Variants in NPAS3 observed in about 807,000 individuals in gnomAD.
The protein encoded by NPAS3 is neuronal PAS domain-containing protein 3.
NPAS3 carries 14 observed loss-of-function variants against 73.1 expected under a neutral mutation model. The ratio of observed to expected loss-of-function variants is 0.19; its 90% CI spans 0.13 to 0.30. The LOEUF is 0.30. Ranked by LOEUF, NPAS3 falls within the 10% of genes least tolerant of loss-of-function variation. The probability of loss-of-function intolerance (pLI) is 1.00; values close to 1 mark genes in which losing one functional copy is unlikely to be tolerated. For missense variants in NPAS3, 1,096 were observed against 1,250.0 expected, an observed-to-expected ratio of 0.88 and a Z score of 1.86; for synonymous variants, 620 against 541.5, an observed-to-expected ratio of 1.14 and a Z score of -2.01.
intron 9 of NPAS3, among the ~76,000 whole-genome samples, chr14:33,792,830 A>G (rs1338418190): frequency 6.6e-6 from 1 of 152,226 alleles, no homozygotes; most frequent in Non-Finnish European, 1.5e-5. Flanking sequence ...GGACATGCCA[A>G]AAGTGGGCGA....
At chr14:33,094,756 G>A (rs1330561503) in intron 2 of NPAS3, among the ~76,000 whole-genome samples, 2 of 152,090 alleles carry the variant, frequency 1.3e-5, no homozygotes, top group African/African-American at 4.8e-5. Flanking sequence ...GTGAGCCACC[G>A]CGCCAGGCTG....
intron 6 of NPAS3, among the ~76,000 whole-genome samples, chr14:33,725,080 AT>A (rs1241086329): frequency 6.6e-6 from 1 of 152,130 alleles, no homozygotes; most frequent in Non-Finnish European, 1.5e-5. Flanking sequence ...AAAAAAACTG[AT>A]TTGCAGCCAA....
chr14:33,159,523 A>G (rs1391964177), intron 2 of NPAS3, among the ~76,000 whole-genome samples: 1 of 150,846 alleles, frequency 6.6e-6, no homozygotes, highest in African/African-American at 2.4e-5. Context: ...TGTGTGCAGA[A>G]TAGCTAATTA....
At chr14:33,013,149 A>G (rs1377086257) in intron 1 of NPAS3, among the ~76,000 whole-genome samples, 1 of 152,196 alleles carries the variant, frequency 6.6e-6, no homozygotes, top group Non-Finnish European at 1.5e-5. Context: ...GTTTCTCCAT[A>G]CCCAAAGAAT....
chr14:33,171,559 G>T (rs1192320101), intron 2 of NPAS3, among the ~76,000 whole-genome samples: 2 of 152,188 alleles, frequency 1.3e-5, no homozygotes, highest in Non-Finnish European at 2.9e-5. Flanking sequence ...ACCTCTGTCA[G>T]CCTTCATAGA....
At chr14:33,034,858 C>G (rs1364113750) in intron 1 of NPAS3, among the ~76,000 whole-genome samples, 1 of 152,098 alleles carries the variant, frequency 6.6e-6, no homozygotes, top group African/African-American at 2.4e-5. Flanking sequence ...TGATAGCCCA[C>G]CTTGGGACAC....
At chr14:33,084,164 G>C (rs1226948811) in intron 2 of NPAS3, among the ~76,000 whole-genome samples, 1 of 152,192 alleles carries the variant, frequency 6.6e-6, no homozygotes, top group Non-Finnish European at 1.5e-5. Context: ...TATAACACCT[G>C]TATTGAATTG....
intron 4 of NPAS3, among the ~76,000 whole-genome samples, chr14:33,544,516 C>T (rs2054689385): frequency 1.3e-5 from 2 of 151,600 alleles, no homozygotes; most frequent in South Asian, 2.1e-4. Context: ...AGAGAGAGCG[C>T]TCTCACTATG....
chr14:33,109,724 G>A (rs770723590), intron 2 of NPAS3, among the ~76,000 whole-genome samples: 14 of 150,708 alleles, frequency 9.3e-5, no homozygotes, highest in Admixed American at 2.7e-4. Flanking sequence ...ATGGACTTTA[G>A]CATTGTTTAG....
chr14:33,596,064 A>G (rs2057234792), intron 5 of NPAS3, among the ~76,000 whole-genome samples: 1 of 152,208 alleles, frequency 6.6e-6, no homozygotes, highest in South Asian at 2.1e-4. Flanking sequence ...TTCCTTCCCA[A>G]AGAGCTTACT....
intron 4 of NPAS3, among the ~76,000 whole-genome samples, chr14:33,369,703 G>A (rs17491067): frequency 0.22 from 33,353 of 152,022 alleles, 4,159 homozygotes; most frequent in Non-Finnish European, 0.3. Context: ...TAATGGTTAT[G>A]GAGTGGAAGA....
At chr14:33,396,357 G>C (rs1167936887) in intron 4 of NPAS3, among the ~76,000 whole-genome samples, 1 of 152,068 alleles carries the variant, frequency 6.6e-6, no homozygotes, top group Non-Finnish European at 1.5e-5. Context: ...CAGTGCTGAG[G>C]ATTAAACGTG....
intron 1 of NPAS3, among the ~76,000 whole-genome samples, chr14:33,045,216 C>G (rs886446690): frequency 2.6e-5 from 4 of 152,116 alleles, no homozygotes; most frequent in African/African-American, 7.2e-5. Context: ...CATCAGTAGA[C>G]AGAGGCCAGA....
intron 1 of NPAS3, among the ~76,000 whole-genome samples, chr14:33,014,159 GA>G (rs2039311715): frequency 6.6e-6 from 1 of 151,914 alleles, no homozygotes; most frequent in Admixed American, 6.6e-5. Context: ...AATAGGCAAA[GA>G]AAAAAATGTT....
intron 6 of NPAS3, among the ~76,000 whole-genome samples, chr14:33,731,759 A>G (rs547128427): frequency 2.6e-5 from 4 of 152,350 alleles, no homozygotes; most frequent in African/African-American, 9.6e-5. Context: ...ATTTTCCTGT[A>G]AATTTTACAA....
chr14:33,676,143 G>A, intron 5 of NPAS3, 68 bp from the exon 6 acceptor site: 1 of 1,484,050 alleles, frequency 6.7e-7, no homozygotes, highest in South Asian at 1.2e-5. Context: ...CTGAATCACT[G>A]TGTTGAATTT....
chr14:33,736,645 CTTG>C (rs2061531227), intron 7 of NPAS3, among the ~76,000 whole-genome samples: 1 of 152,120 alleles, frequency 6.6e-6, no homozygotes, highest in South Asian at 2.1e-4. Flanking sequence ...TGTTGAGATT[CTTG>C]TTATTTTAAT....
chr14:33,560,289 A>G, intron 5 of NPAS3, 79 bp downstream of exon 5: 1 of 716,080 alleles, frequency 1.4e-6, no homozygotes, highest in South Asian at 1.7e-5. Context: ...TTCAAGGAAT[A>G]TTCTGTTTAG....
At chr14:33,579,892 T>G (rs994987035) in intron 5 of NPAS3, among the ~76,000 whole-genome samples, 2 of 152,192 alleles carry the variant, frequency 1.3e-5, no homozygotes, top group African/African-American at 2.4e-5. Context: ...TTTGAAAGCA[T>G]CTGGATGTTT....
Sources: gnomAD v4.1 joint callset for allele counts (sites outside exome capture counted in the v4.1 genomes callset) on GRCh38, gnomAD v4.1.1 for gene constraint, MANE v1.5 for transcripts, NCBI Gene and HGNC (gene_info 2026-07-23, HGNC 2026-07-21) for gene names.